The following ATP2B1 variants were observed in gnomAD, a reference collection of about 807,000 sequenced individuals.
The protein encoded by ATP2B1 is plasma membrane calcium-transporting ATPase 1.
ATP2B1 carries 14 observed loss-of-function variants against 124.2 expected under a neutral mutation model. That is an observed-to-expected ratio of 0.11 (90% CI 0.07 to 0.18). The LOEUF (loss-of-function observed/expected upper bound fraction) is 0.18. Among genes scored for constraint, ATP2B1 ranks in the 10% least tolerant of loss-of-function variants. The pLI is 1.00. For synonymous variants in ATP2B1, 449 were observed against 492.4 expected, an observed-to-expected ratio of 0.91 and a Z score of 1.17; for missense variants, 763 against 1,466.1, an observed-to-expected ratio of 0.52 and a Z score of 7.83.
intron 2 of ATP2B1, among the ~76,000 whole-genome samples, chr12:89,648,663 A>C (rs940955997): frequency 1.3e-5 from 2 of 152,244 alleles, no homozygotes; most frequent in African/African-American, 4.8e-5. Flanking sequence ...ATCACTTTCT[A>C]GAGAGATTAG....
At chr12:89,602,795 AAT>A (rs1876123934) in intron 18 of ATP2B1, among the ~76,000 whole-genome samples, 1 of 152,342 alleles carries the variant, frequency 6.6e-6, no homozygotes, top group South Asian at 2.1e-4. Flanking sequence ...CCTAAGAAAT[AAT>A]ATCTTTCACT....
chr12:89,604,575 G>C (rs1353028276), intron 15 of ATP2B1, among the ~76,000 whole-genome samples: 1 of 151,942 alleles, frequency 6.6e-6, no homozygotes, highest in Non-Finnish European at 1.5e-5. Flanking sequence ...GGTTCAAGTT[G>C]GGTTAAAAAT....
In ATP2B1 at chr12:89,621,903, A is replaced by T. The variant is rs567218816; in HGVS notation, c.1345-112T>A. ...AATTAGAAAACTCCCAGCTTTCTAT[A>T]AATACAATGTATAAAGTACCAATGT... On this transcript the variant is annotated intron_variant, in intron 9 of 20. Coordinates refer to ENST00000428670, the MANE Select transcript of ATP2B1 (RefSeq NM_001366521.1). 1.7e-5 allele frequency: 20 copies of T among 1,147,204 alleles called. No individual in the cohort carries two copies. The African/African-American group carries it at 2.4e-4, about 14-fold the overall frequency. 71.1% of individuals were successfully genotyped at this position (1,147,204 alleles called of 1,614,324 possible).
At chr12:89,648,727 C>T (rs576308201) in intron 2 of ATP2B1, among the ~76,000 whole-genome samples, 4 of 152,340 alleles carry the variant, frequency 2.6e-5, no homozygotes, top group South Asian at 2.1e-4. Flanking sequence ...AAAAAGGCCT[C>T]GAAGGCATTT....
At chr12:89,663,076 A>G (rs1352181160) in intron 1 of ATP2B1, among the ~76,000 whole-genome samples, 2 of 152,202 alleles carry the variant, frequency 1.3e-5, no homozygotes, top group Admixed American at 6.5e-5. Flanking sequence ...CATAGTAGGT[A>G]CTCTTGAACC....
intron 7 of ATP2B1, among the ~76,000 whole-genome samples, chr12:89,627,377 A>G (rs1310862506): frequency 6.6e-6 from 1 of 150,464 alleles, no homozygotes; most frequent in African/African-American, 2.5e-5. Flanking sequence ...CATTATGTAC[A>G]TGCAAATATT....
chr12:89,626,313 T>C (rs905367710), intron 8 of ATP2B1, 141 bp downstream of exon 8: 1 of 935,826 alleles, frequency 1.1e-6, no homozygotes, highest in African/African-American at 1.7e-5. Context: ...CCTGGTGCAT[T>C]GTAGCTAGAA....
chr12:89,639,382 T>C (rs962218541), intron 3 of ATP2B1, among the ~76,000 whole-genome samples: 1 of 152,030 alleles, frequency 6.6e-6, no homozygotes, highest in South Asian at 2.1e-4. Context: ...CACATGCCTA[T>C]AGTCCCAGCT....
intron 1 of ATP2B1, among the ~76,000 whole-genome samples, chr12:89,657,824 A>G (rs1886137915): frequency 6.6e-6 from 1 of 152,220 alleles, no homozygotes; most frequent in Admixed American, 6.5e-5. Flanking sequence ...CTTAGAATTC[A>G]TATGAGTGAG....
intron 1 of ATP2B1, among the ~76,000 whole-genome samples, chr12:89,698,005 G>C (rs4842676): frequency 0.78 from 119,149 of 152,062 alleles, 47,208 homozygotes; most frequent in Admixed American, 0.85. Context: ...CTAGTAGTGG[G>C]GATTACAGGC....
intron 12 of ATP2B1, among the ~76,000 whole-genome samples, chr12:89,613,664 C>T (rs1017523720): frequency 6.6e-6 from 1 of 151,884 alleles, no homozygotes; most frequent in Non-Finnish European, 1.5e-5. Context: ...AGGTAGTATC[C>T]CAGGATCATC....
intron 1 of ATP2B1, among the ~76,000 whole-genome samples, chr12:89,696,318 C>T (rs1891130721): frequency 6.6e-6 from 1 of 152,066 alleles, no homozygotes; most frequent in African/African-American, 2.4e-5. Context: ...TACCAAAATC[C>T]TTTAAATACA....
chr12:89,622,168 A>G (rs1321692224), intron 9 of ATP2B1, among the ~76,000 whole-genome samples: 2 of 152,088 alleles, frequency 1.3e-5, no homozygotes, highest in Non-Finnish European at 2.9e-5. Context: ...TGGTACTTAT[A>G]GTAGTGTAAG....
intron 3 of ATP2B1, among the ~76,000 whole-genome samples, chr12:89,640,211 C>T (rs190869960): frequency 3.3e-4 from 50 of 152,234 alleles, no homozygotes; most frequent in Non-Finnish European, 6.3e-4. Context: ...GGACTGTCTT[C>T]CCCCACCCCC....
intron 8 of ATP2B1, 116 bp from the exon 9 acceptor site, chr12:89,624,513 CTCTGAGA>C: frequency 1.1e-6 from 1 of 883,418 alleles, no homozygotes. Context: ...TATTGAATTT[CTCTGAGA>C]AATTACTTCT....
intron 1 of ATP2B1, among the ~76,000 whole-genome samples, chr12:89,671,172 G>A (rs113500904): frequency 8.5e-5 from 13 of 152,096 alleles, no homozygotes; most frequent in African/African-American, 2.9e-4. Flanking sequence ...ATTCAAAATG[G>A]GCAACCTAAA....
intron 5 of ATP2B1, 119 bp downstream of exon 5, chr12:89,634,659 G>A (rs1381793387): frequency 9.0e-7 from 1 of 1,113,654 alleles, no homozygotes; most frequent in Non-Finnish European, 1.2e-6. Context: ...AACAGTAGAA[G>A]GTAGCATAAA....
chr12:89,618,069 T>A (rs1182467134), intron 11 of ATP2B1, among the ~76,000 whole-genome samples: 1 of 152,070 alleles, frequency 6.6e-6, no homozygotes, highest in Non-Finnish European at 1.5e-5. Context: ...AATAGCCTTT[T>A]AACTGATATG....
chr12:89,685,109 G>A (rs903524540), intron 1 of ATP2B1, among the ~76,000 whole-genome samples: 4 of 152,130 alleles, frequency 2.6e-5, no homozygotes, highest in Admixed American at 2.6e-4. Flanking sequence ...ATTCATAGAT[G>A]CAATTTAGCA....
Sources: allele counts gnomAD v4.1 joint callset (sites outside exome capture counted in the v4.1 genomes callset), GRCh38; gene constraint gnomAD v4.1.1; transcripts MANE v1.5; gene names NCBI Gene and HGNC (gene_info 2026-07-23, HGNC 2026-07-21).